Variants in FLT1 observed in about 807,000 individuals in gnomAD.
FLT1 encodes fms related receptor tyrosine kinase 1.
FLT1 carries 49 observed loss-of-function variants against 156.3 expected under a neutral mutation model. The ratio of observed to expected loss-of-function variants is 0.31; its 90% CI spans 0.25 to 0.40. The LOEUF (loss-of-function observed/expected upper bound fraction) is 0.40. Among genes scored for constraint, FLT1 ranks in the 10% least tolerant of loss-of-function variants. The probability of loss-of-function intolerance (pLI) is 1.00; values close to 1 mark genes in which losing one functional copy is unlikely to be tolerated. For synonymous variants in FLT1, 594 were observed against 583.8 expected (o/e 1.02, Z -0.25); for missense variants, 1,322 against 1,637.2 (o/e 0.81, Z 3.32).
chr13:28,347,952 T>G (rs1872619198), intron 15 of FLT1, among the ~76,000 whole-genome samples: 1 of 152,200 alleles, frequency 6.6e-6, no homozygotes, highest in Non-Finnish European at 1.5e-5. Context: ...CCACGAAGCT[T>G]CCAAGAGTAT....
rs140126838 is a variant in FLT1 at position 28,313,619 on chromosome 13, C to T, written c.3387-1521G>A. Among the ~76,000 whole-genome samples, 1,213 of 152,260 alleles carry T rather than the reference C, an allele frequency of 8.0e-3. 10 individuals carry two copies. Among genetic ancestry groups the T allele is most frequent in the Non-Finnish European group, 0.013 (885 of 68,020 alleles). The stretch of plus-strand genomic sequence containing the variant: ...TCGCCTACCACAGGGCAATAAATAT[C>T]TGCTAAAAGAAGTCAGACTGGTCTC... On this transcript the variant is annotated intron_variant, in intron 25 of 29. Coordinates refer to ENST00000282397, the MANE Select transcript of FLT1 (RefSeq NM_002019.4).
intron 10 of FLT1, among the ~76,000 whole-genome samples, chr13:28,425,356 C>G (rs889409821): frequency 6.6e-6 from 1 of 152,138 alleles, no homozygotes; most frequent in Non-Finnish European, 1.5e-5. Context: ...TGCTCTGAGT[C>G]TTGAGACCAT....
intron 3 of FLT1, among the ~76,000 whole-genome samples, chr13:28,450,474 G>A (rs576673089): frequency 6.6e-6 from 1 of 151,830 alleles, no homozygotes; most frequent in East Asian, 1.9e-4. Context: ...TCTTCATCTT[G>A]ATCAGTTGAG....
At chr13:28,427,048 C>T (rs1000001345) in intron 10 of FLT1, 111 bp downstream of exon 10, 16 of 1,055,280 alleles carry the variant, frequency 1.5e-5, no homozygotes, top group Admixed American at 8.6e-5. Flanking sequence ...GCCTTTGCCT[C>T]AAATATACAG....
At chr13:28,399,089 C>G in intron 11 of FLT1, 1 of 1,551,058 alleles carries the variant, frequency 6.4e-7, no homozygotes, top group South Asian at 1.2e-5. Flanking sequence ...TTGTAGGTGG[C>G]AACATGAAAG....
intron 12 of FLT1, 104 bp from the exon 13 acceptor site, chr13:28,390,208 T>G: frequency 6.8e-7 from 1 of 1,479,996 alleles, no homozygotes; most frequent in African/African-American, 1.4e-5. Flanking sequence ...TATCTCAGTA[T>G]CCACATTAAA....
chr13:28,425,450 T>C (rs781613819), intron 10 of FLT1, among the ~76,000 whole-genome samples: 87 of 152,126 alleles, frequency 5.7e-4, no homozygotes, highest in Non-Finnish European at 1.1e-3. Flanking sequence ...CACAAAGAAA[T>C]TGGAAAGAAA....
chr13:28,398,763 ATGT>A (rs1199288068), intron 11 of FLT1, among the ~76,000 whole-genome samples: 2 of 152,216 alleles, frequency 1.3e-5, no homozygotes, highest in Non-Finnish European at 2.9e-5. Context: ...CATTGCCCAG[ATGT>A]TGTAAGAGAG....
chr13:28,486,383 G>A (rs901502295), intron 1 of FLT1, among the ~76,000 whole-genome samples: 2 of 152,234 alleles, frequency 1.3e-5, no homozygotes, highest in African/African-American at 4.8e-5. Flanking sequence ...ATAGAATTCA[G>A]CCACCCAAGT....
At chr13:28,379,829 GT>G (rs1370005176) in intron 14 of FLT1, among the ~76,000 whole-genome samples, 1 of 152,146 alleles carries the variant, frequency 6.6e-6, no homozygotes, top group Non-Finnish European at 1.5e-5. Flanking sequence ...CCCACTGACA[GT>G]TTTTTCCTGA....
intron 10 of FLT1, among the ~76,000 whole-genome samples, chr13:28,407,460 C>T (rs1875881435): frequency 6.6e-6 from 1 of 152,088 alleles, no homozygotes; most frequent in Admixed American, 6.6e-5. Context: ...AAACAAATCT[C>T]AGGCATCTTG....
intron 12 of FLT1, among the ~76,000 whole-genome samples, chr13:28,391,399 C>A (rs903573142): frequency 1.3e-5 from 2 of 152,198 alleles, no homozygotes; most frequent in African/African-American, 4.8e-5. Flanking sequence ...CAAATGCATA[C>A]CTTATTGCCT....
chr13:28,489,469 G>A (rs1249892839), intron 1 of FLT1, among the ~76,000 whole-genome samples: 2 of 152,178 alleles, frequency 1.3e-5, no homozygotes, highest in Non-Finnish European at 2.9e-5. Flanking sequence ...ACAATGCAAA[G>A]TGAGAATTAC....
rs1354473441 is a variant in FLT1 at position 28,306,676 on chromosome 13, A to G, written c.3815+2T>C. 1 of 1,604,526 alleles carries G rather than the reference A, an allele frequency of 6.2e-7. No homozygotes were observed. Among genetic ancestry groups the G allele is most frequent in the Non-Finnish European group, 8.5e-7 (1 of 1,171,394 alleles). ...ATCACAGAAAAGATACCCAATTCTT[A>G]CTCAATCTTGAGCGAGGCCTTGGGT... On this transcript the variant is annotated splice_donor_variant, in intron 29 of 29. Coordinates refer to ENST00000282397, the MANE Select transcript of FLT1 (RefSeq NM_002019.4). LOFTEE classifies it high-confidence loss of function.
chr13:28,367,118 A>G (rs796079397), intron 14 of FLT1, among the ~76,000 whole-genome samples: 3 of 152,344 alleles, frequency 2.0e-5, no homozygotes, highest in African/African-American at 7.2e-5. Context: ...CCTGGGTGGT[A>G]GCATAGACTG....
intron 10 of FLT1, among the ~76,000 whole-genome samples, chr13:28,419,646 G>A (rs1277772731): frequency 1.3e-5 from 2 of 152,190 alleles, no homozygotes; most frequent in Non-Finnish European, 2.9e-5. Flanking sequence ...TTGGGAGGCC[G>A]AGGCGGATGG....
intron 13 of FLT1, chr13:28,388,066 T>C (rs1874474816): frequency 1.3e-5 from 14 of 1,058,084 alleles, no homozygotes; most frequent in Non-Finnish European, 1.6e-5. Context: ...AAGGCCCCCA[T>C]GTTCTATGGT....
intron 3 of FLT1, among the ~76,000 whole-genome samples, chr13:28,458,059 C>T (rs1472361031): frequency 2.0e-5 from 3 of 151,638 alleles, no homozygotes; most frequent in Non-Finnish European, 2.9e-5. Context: ...CTCAGCCTCC[C>T]GAGTAGCTGG....
At chr13:28,415,792 T>C (rs778365174) in intron 10 of FLT1, among the ~76,000 whole-genome samples, 4 of 152,236 alleles carry the variant, frequency 2.6e-5, no homozygotes, top group Admixed American at 6.5e-5. Context: ...CCTTGGATAC[T>C]GTAACTCCTT....
Sources: allele counts gnomAD v4.1 joint callset (sites outside exome capture counted in the v4.1 genomes callset), GRCh38; gene constraint gnomAD v4.1.1; transcripts MANE v1.5; gene names NCBI Gene and HGNC (gene_info 2026-07-23, HGNC 2026-07-21).